Variants in ACOT7 observed in about 807,000 individuals in gnomAD.
ACOT7 encodes acyl-CoA thioesterase 7.
Under a neutral mutation model 40.2 loss-of-function variants are expected in ACOT7, and 12 were observed. That is an observed-to-expected ratio of 0.30 (90% CI 0.19 to 0.48). The LOEUF (loss-of-function observed/expected upper bound fraction) is 0.48. ACOT7 is among the 20% of genes least tolerant of loss of function. ACOT7 has a pLI of 0.99. For missense variants in ACOT7, 395 were observed against 530.8 expected (o/e 0.74, Z 2.51); for synonymous variants, 228 against 219.5 (o/e 1.04, Z -0.34).
Position 6,381,426 on chromosome 1 carries a change from A to G in ACOT7, c.143+11831T>C, listed in dbSNP as rs559392965. Among the ~76,000 whole-genome samples the G allele has an allele frequency of 9.3e-4, 142 of 151,990 alleles. 1 individual carries two copies. The highest frequency in any genetic ancestry group is 3.1e-3 in the African/African-American group (129 of 41,564). On this transcript the variant is annotated intron_variant, in intron 1 of 8. Coordinates refer to ENST00000361521, the MANE Select transcript of ACOT7 (RefSeq NM_007274.4). ...ATACAGTTGACAAATAAACACATGA[A>G]AAGACATTCAACATCACTAAACATT...
At chr1:6,277,148 G>A (rs902549112) in intron 8 of ACOT7, among the ~76,000 whole-genome samples, 11 of 152,336 alleles carry the variant, frequency 7.2e-5, no homozygotes, top group Middle Eastern at 3.4e-3. Context: ...ATAGGGAGTG[G>A]GGAACGTGAG....
At chr1:6,346,397 T>C (rs1400522574) in intron 2 of ACOT7, among the ~76,000 whole-genome samples, 1 of 152,064 alleles carries the variant, frequency 6.6e-6, no homozygotes, top group African/African-American at 2.4e-5. Context: ...ATGTAGAGCC[T>C]AGAAGAGGAG....
chr1:6,351,940 G>A (rs1392982534), intron 1 of ACOT7, among the ~76,000 whole-genome samples: 2 of 152,232 alleles, frequency 1.3e-5, no homozygotes, highest in East Asian at 1.9e-4. Context: ...AGAGCCTGGA[G>A]CCACCTGGCA....
At position 6,264,584 on chromosome 1, in the gene ACOT7, A is replaced by G; in HGVS notation, c.*13T>C. The G allele has an allele frequency of 1.2e-6, 2 of 1,607,922 alleles. No individual in the cohort carries two copies. ...CATGGCTACTCGAGGCACCAGTGGC[A>G]GGAGGAGGGAGTCTAGGGCTGAGGC... On this transcript the variant is annotated 3_prime_UTR_variant, in exon 9 of 9. Transcript: ENST00000361521.
At chr1:6,318,849 G>T (rs1367668230) in intron 5 of ACOT7, among the ~76,000 whole-genome samples, 1 of 152,296 alleles carries the variant, frequency 6.6e-6, no homozygotes, top group South Asian at 2.1e-4. Context: ...CTGCCCAGGG[G>T]TAGCCATGAA....
chr1:6,364,433 C>A (rs1017280134), intron 1 of ACOT7, among the ~76,000 whole-genome samples: 1 of 149,550 alleles, frequency 6.7e-6, no homozygotes, highest in Non-Finnish European at 1.5e-5. Context: ...CCCAGCTACT[C>A]GGGAGGCTGA....
In ACOT7 at chr1:6,383,214, G is replaced by A. The variant is rs370825984; in HGVS notation, c.143+10043C>T. On this transcript the variant is annotated intron_variant, in intron 1 of 8. Transcript: ENST00000361521. ...ATTTTTTTTTTTTTTTTGAGACGGA[G>A]TCTTGCTCTGTTGCCCAGGCTGGAG... Among the ~76,000 whole-genome samples the A allele has an allele frequency of 4.3e-3, 607 of 141,238 alleles. 5 individuals are homozygous for A. The highest frequency in any genetic ancestry group is 0.015 in the African/African-American group (582 of 37,930). 92.7% of individuals were successfully genotyped at this position (141,238 alleles called of 152,430 possible).
chr1:6,266,099 C>T (rs960845622), intron 8 of ACOT7, among the ~76,000 whole-genome samples: 3 of 152,180 alleles, frequency 2.0e-5, no homozygotes, highest in Admixed American at 6.5e-5. Context: ...GAAGAGTCTT[C>T]GGTGTACACA....
At chr1:6,305,381 C>A (rs1301271135) in intron 6 of ACOT7, among the ~76,000 whole-genome samples, 1 of 149,796 alleles carries the variant, frequency 6.7e-6, no homozygotes, top group Non-Finnish European at 1.5e-5. Flanking sequence ...GGGGGCTGAC[C>A]CCCCCACCTC....
Position 6,305,083 on chromosome 1 carries a change from C to G in ACOT7, c.713-10103G>C, listed in dbSNP as rs542580385. The stretch of plus-strand genomic sequence containing the variant: ...TGGCCGGGCGGGGGGCTGACCCCCC[C>G]ACATCCCTCCCGGATGGGGCGGCTG... On this transcript the variant is annotated intron_variant, in intron 6 of 8. Coordinates refer to ENST00000361521, the MANE Select transcript of ACOT7 (RefSeq NM_007274.4). Among the ~76,000 whole-genome samples, 485 of 141,132 alleles carry G rather than the reference C, an allele frequency of 3.4e-3. 1 individual carries two copies. The highest frequency in any genetic ancestry group is 0.027 in the Middle Eastern group (6 of 222). 92.6% of individuals were successfully genotyped at this position (141,132 alleles called of 152,430 possible). A position where few individuals can be genotyped will look rare whatever the true frequency, so the allele number is the denominator to read the frequency against.
rs369928076 is a variant in ACOT7 at position 6,358,885 on chromosome 1, G to A, written c.144-9019C>T. 4.5e-5 allele frequency: 73 copies of A among 1,612,394 alleles called. No individual in the cohort carries two copies. Among genetic ancestry groups the A allele is most frequent in the Admixed American group, 8.4e-5 (5 of 59,864 alleles). ...CCCAGGATCAGATGCAGAGAAAGGC[G>A]AGGGAGCAGGGAAGCATCACAGAGT... On this transcript the variant is annotated intron_variant, in intron 1 of 8. Coordinates refer to ENST00000361521, the MANE Select transcript of ACOT7 (RefSeq NM_007274.4). This position sits in a 1 kb window ranked among gnomAD's most constrained non-coding sequence, Gnocchi z 4.1.
chr1:6,366,557 A>G (rs1437145725), intron 1 of ACOT7, among the ~76,000 whole-genome samples: 2 of 151,630 alleles, frequency 1.3e-5, no homozygotes, highest in Non-Finnish European at 2.9e-5. Flanking sequence ...ACTGCACTCC[A>G]GCCCGGGTGA....
rs545690430 is a variant in ACOT7, at chr1:6,273,602, A to C, written c.1014+7500T>G. ...GCCAAACGCGGCAGGCGGTTCACCAAGCCCTTCCAGGAACACACCGTCAAC... is the reference window on the plus strand; with the variant it reads ...GCCAAACGCGGCAGGCGGTTCACCACGCCCTTCCAGGAACACACCGTCAAC... On this transcript the variant is annotated intron_variant, in intron 8 of 8. Transcript: ENST00000361521. Among the ~76,000 whole-genome samples, 16 of 152,320 alleles carry C rather than the reference A, an allele frequency of 1.1e-4. No individual in the cohort carries two copies. In the South Asian group the frequency reaches 3.3e-3, roughly 32 times the overall value.
At chr1:6,339,743 T>G (rs1177969724) in intron 2 of ACOT7, among the ~76,000 whole-genome samples, 154 bp from the exon 3 acceptor site, 1 of 150,030 alleles carries the variant, frequency 6.7e-6, no homozygotes, top group African/African-American at 2.5e-5. Context: ...ACCGCGGTTT[T>G]TTTTTTTTTT....
intron 6 of ACOT7, among the ~76,000 whole-genome samples, chr1:6,316,841 C>T (rs960241156): frequency 2.6e-5 from 4 of 152,140 alleles, no homozygotes; most frequent in Non-Finnish European, 5.9e-5. Context: ...TGTCCCAAAC[C>T]TGAAAGTGAT....
At chr1:6,315,922 C>T (rs2148418950) in intron 6 of ACOT7, among the ~76,000 whole-genome samples, 1 of 152,180 alleles carries the variant, frequency 6.6e-6, no homozygotes, top group East Asian at 1.9e-4. Flanking sequence ...GCAGCTTAGA[C>T]ACCGTAAATG....
At chr1:6,326,000 C>A (rs1640788378) in intron 5 of ACOT7, among the ~76,000 whole-genome samples, 1 of 152,176 alleles carries the variant, frequency 6.6e-6, no homozygotes, top group Non-Finnish European at 1.5e-5. Flanking sequence ...GGAGGCAAAA[C>A]AGAGAAAGCT....
intron 1 of ACOT7, among the ~76,000 whole-genome samples, chr1:6,385,318 C>CTAAGGGTGGCCACT: frequency 6.6e-6 from 1 of 151,838 alleles, no homozygotes; most frequent in African/African-American, 2.4e-5. Flanking sequence ...CAGGTCTCCA[C>CTAAGGGTGGCCACT]TGAGGGTGGC....
chr1:6,348,758 TC>T (rs2148454392), intron 2 of ACOT7, among the ~76,000 whole-genome samples: 1 of 152,288 alleles, frequency 6.6e-6, no homozygotes, highest in Admixed American at 6.5e-5. Flanking sequence ...TGGTCTTAGT[TC>T]CGGCAGCCCA....
Sources: gnomAD v4.1 joint callset for allele counts (sites outside exome capture counted in the v4.1 genomes callset) on GRCh38, gnomAD v4.1.1 for gene constraint, Gnocchi (gnomAD v3.1) non-coding constraint, MANE v1.5 for transcripts, NCBI Gene and HGNC (gene_info 2026-07-23, HGNC 2026-07-21) for gene names.